ERICH6: variants seen among roughly 807,000 people sequenced by gnomAD.
The protein encoded by ERICH6 is glutamate-rich protein 6.
A neutral mutation model predicts 71.0 loss-of-function variants in ERICH6; 71 were observed. The ratio of observed to expected loss-of-function variants is 1.00; its 90% confidence interval spans 0.83 to 1.22. ERICH6 has a LOEUF of 1.22. Ranked by LOEUF, ERICH6 falls within the 50% of genes most tolerant of loss-of-function variation. The pLI is 0.00. For synonymous variants in ERICH6, 262 were observed against 278.4 expected, an observed-to-expected ratio of 0.94 and a Z score of 0.59; for missense variants, 808 against 797.2, an observed-to-expected ratio of 1.01 and a Z score of -0.16.
rs1711739922 is a variant in ERICH6, at chr3:150,678,332, T to C, written c.1257+77A>G. The C allele has an allele frequency of 2.8e-6, 4 of 1,412,452 alleles. No individual in the cohort carries two copies. In the Admixed American group the frequency reaches 7.9e-5, roughly 28 times the overall value. The allele number at this position is 1,412,452 out of a possible 1,614,324, so 87.5% of individuals were successfully genotyped here. A position where few individuals can be genotyped will look rare whatever the true frequency, so the allele number is the denominator to read the frequency against. Reference sequence around the variant, plus strand: ...AGTTAAATGCATCATGTAGCCAAGCTTCATGAAAGACTTTATAATTTTAGG... The same window carrying C: ...AGTTAAATGCATCATGTAGCCAAGCCTCATGAAAGACTTTATAATTTTAGG... On this transcript the variant is annotated intron_variant, in intron 10 of 13. Coordinates refer to ENST00000295910, the MANE Select transcript of ERICH6 (RefSeq NM_152394.5).
chr3:150,676,022 C>T (rs1396085931), intron 10 of ERICH6, among the ~76,000 whole-genome samples: 1 of 151,578 alleles, frequency 6.6e-6, no homozygotes, highest in Non-Finnish European at 1.5e-5. Context: ...TAAAATATTA[C>T]CTCTACCTGA....
chr3:150,665,699 C>T (rs1199850590), intron 13 of ERICH6, among the ~76,000 whole-genome samples: 2 of 148,272 alleles, frequency 1.3e-5, no homozygotes, highest in Non-Finnish European at 1.5e-5. Context: ...TGGTGGTGGG[C>T]GCCTGTAGTC....
chr3:150,685,389 G>T (rs894630230), intron 6 of ERICH6, among the ~76,000 whole-genome samples: 13 of 152,192 alleles, frequency 8.5e-5, no homozygotes. Flanking sequence ...TTGGAGTGAT[G>T]CAGCTGCAAG....
At position 150,666,970 on chromosome 3, in the gene ERICH6, G is replaced by GC; in HGVS notation, c.1544dup (p.Asn516GlnfsTer21). The stretch of plus-strand genomic sequence containing the variant: ...ACCAATTCCAAGCCCTTATTCTGTT[G>GC]CCGGCTTGATCTGAATATTGACCTC... On this transcript the variant is annotated frameshift_variant, in exon 13 of 14. Transcript: ENST00000295910. LOFTEE classifies it high-confidence loss of function. 1.2e-6 allele frequency: 2 copies of GC among 1,614,130 alleles called. No individual in the cohort carries two copies. Among genetic ancestry groups the GC allele is most frequent in the Non-Finnish European group, 1.7e-6 (2 of 1,180,012 alleles).
intron 11 of ERICH6, among the ~76,000 whole-genome samples, chr3:150,673,694 T>G (rs1711546153): frequency 6.6e-6 from 1 of 152,162 alleles, no homozygotes; most frequent in Non-Finnish European, 1.5e-5. Flanking sequence ...GCCCAGATGA[T>G]CCTTCTACTT....
chr3:150,667,140 A>C, intron 12 of ERICH6, 125 bp from the exon 13 acceptor site: 1 of 802,928 alleles, frequency 1.2e-6, no homozygotes, highest in Non-Finnish European at 2.0e-6. Flanking sequence ...GAGTGGTGGA[A>C]ACTTCAGGTA....
At chr3:150,699,309 T>C (rs879314176) in intron 2 of ERICH6, among the ~76,000 whole-genome samples, 1 of 152,098 alleles carries the variant, frequency 6.6e-6, no homozygotes, top group Non-Finnish European at 1.5e-5. Flanking sequence ...AGGCTCTATC[T>C]CAAAAACAAA....
At position 150,680,892 on chromosome 3, in the gene ERICH6, A is replaced by T; in HGVS notation, c.921T>A (p.Tyr307Ter). 6.2e-7 allele frequency: 1 copy of T among 1,612,468 alleles called. No individual in the cohort carries two copies. Among genetic ancestry groups the T allele is most frequent in the African/African-American group, 1.3e-5 (1 of 74,808 alleles). The change falls in exon 8 of 14, where the codon TAT becomes TAA. Residue 307 changes from tyrosine (Y) to a stop codon, truncating the protein, a stop_gained. Coordinates refer to ENST00000295910, the MANE Select transcript of ERICH6 (RefSeq NM_152394.5). LOFTEE classifies it high-confidence loss of function. ...CCIAFQNLIDYIYEEQIKTKP... is the reference protein window; with the variant it reads ...CCIAFQNLID ...TGGTTTTTATTTGCTCCTCATAGAT[A>T]TAGTCAATCAGATTTTGGAAAGCAA...
intron 12 of ERICH6, 35 bp from the exon 13 acceptor site, chr3:150,667,050 T>TTTAAAGCATTTAGAATAATAATAAGAGTA: frequency 6.4e-7 from 1 of 1,561,656 alleles, no homozygotes; most frequent in Non-Finnish European, 8.8e-7. Context: ...TCATAAACAG[T>TTTAAAGCATTTAGAATAATAATAAGAGTA]AACACTGTAA....
intron 1 of ERICH6, among the ~76,000 whole-genome samples, chr3:150,703,146 C>T (rs1576567297): frequency 6.6e-6 from 1 of 151,180 alleles, no homozygotes; most frequent in Non-Finnish European, 1.5e-5. Flanking sequence ...CGAGAGGCTG[C>T]GGTGGGAGGC....
At chr3:150,666,412 T>C (rs188323890) in intron 13 of ERICH6, among the ~76,000 whole-genome samples, 2 of 152,336 alleles carry the variant, frequency 1.3e-5, no homozygotes, top group Non-Finnish European at 2.9e-5. Context: ...GGGCTTATGA[T>C]TGGTCTTGAA....
rs573956581 is a variant in ERICH6, at chr3:150,660,136, A to G, written c.1748T>C (p.Ile583Thr). ...TCCACTTACGTATCGGAGGATTGGAATCTCCTCAGGGTTTGGTAGCTTTTC... is the reference window on the plus strand; with the variant it reads ...TCCACTTACGTATCGGAGGATTGGAGTCTCCTCAGGGTTTGGTAGCTTTTC... ...TKVKLPNPEE[I>T]PILRYVSGDD... Residue 583 changes from isoleucine (I) to threonine (T), a missense_variant, in exon 14 of 14, where the codon ATT becomes ACT. Coordinates refer to ENST00000295910, the MANE Select transcript of ERICH6 (RefSeq NM_152394.5). The G allele has an allele frequency of 1.7e-5, 27 of 1,613,954 alleles. No individual in the cohort carries two copies. Among genetic ancestry groups the G allele is most frequent in the East Asian group, 2.2e-5 (1 of 44,866 alleles).
At chr3:150,701,363 G>A (rs1467133498) in intron 2 of ERICH6, among the ~76,000 whole-genome samples, 1 of 139,324 alleles carries the variant, frequency 7.2e-6, no homozygotes, top group Non-Finnish European at 1.6e-5. Context: ...ACCAAGAAAT[G>A]AAAATGTCAT....
chr3:150,693,417 GGTAA>G (rs1443475273), intron 3 of ERICH6, among the ~76,000 whole-genome samples: 1 of 152,110 alleles, frequency 6.6e-6, no homozygotes, highest in Non-Finnish European at 1.5e-5. Context: ...CCTGACCTGT[GGTAA>G]GTAAAGAATG....
chr3:150,690,883 T>C lies in ERICH6; in HGVS notation c.554-4529A>G, dbSNP rs190290418. Among the ~76,000 whole-genome samples the C allele has an allele frequency of 2.5e-3, 377 of 152,356 alleles. 9 individuals are homozygous for C. The highest frequency in any genetic ancestry group is 0.024 in the Admixed American group (371 of 15,296). ...TGATATTGATTTAATAAAAAATAGC[T>C]ACATCTTAAATTTAGTAAGATTACC... On this transcript the variant is annotated intron_variant, in intron 3 of 13. Coordinates refer to ENST00000295910, the MANE Select transcript of ERICH6 (RefSeq NM_152394.5).
At chr3:150,694,229 T>C (rs1310232513) in intron 3 of ERICH6, among the ~76,000 whole-genome samples, 1 of 152,122 alleles carries the variant, frequency 6.6e-6, no homozygotes, top group Non-Finnish European at 1.5e-5. Flanking sequence ...ATGCTTTCTC[T>C]GAAAAATTTT....
intron 12 of ERICH6, among the ~76,000 whole-genome samples, chr3:150,667,556 G>A (rs1227470002): frequency 6.6e-6 from 1 of 152,170 alleles, no homozygotes; most frequent in African/African-American, 2.4e-5. Flanking sequence ...CTGCAGTGGA[G>A]AAGAGGTCTG....
At chr3:150,681,289 C>T in intron 7 of ERICH6, among the ~76,000 whole-genome samples, 1 of 152,190 alleles carries the variant, frequency 6.6e-6, no homozygotes, top group East Asian at 1.9e-4. Flanking sequence ...TGGAACCATA[C>T]AACATGTGGC....
Position 150,678,519 on chromosome 3 carries a change from A to G in ERICH6, c.1147T>C (p.Ser383Pro), listed in dbSNP as rs1171429668. ...ATCTGTTTTTCTGGAATATCCACAG[A>G]AAGTTGATAAGAAATTGTTTTTAAG... ...KRLKTISYQL[S>P]VDIPEKQIID... The change falls in exon 10 of 14, where the codon TCT (serine) becomes CCT (proline). Residue 383 changes from serine to proline, a missense_variant. Transcript: ENST00000295910. The G allele has an allele frequency of 1.2e-6, 2 of 1,602,738 alleles. No homozygotes were observed. The highest frequency in any genetic ancestry group is 8.5e-7 in the Non-Finnish European group (1 of 1,177,308).
Sources: gnomAD v4.1 joint callset for allele counts (sites outside exome capture counted in the v4.1 genomes callset) on GRCh38, gnomAD v4.1.1 for gene constraint, MANE v1.5 for transcripts, NCBI Gene and HGNC (gene_info 2026-07-23, HGNC 2026-07-21) for gene names.